Variants in ANKRD7 observed in about 807,000 individuals in gnomAD.
ANKRD7 encodes the protein ankyrin repeat domain 7.
Under a neutral mutation model 30.8 loss-of-function variants are expected in ANKRD7, and 30 were observed. The observed-to-expected ratio is 0.97, with a 90% CI of 0.73 to 1.32. ANKRD7 has a LOEUF of 1.32. ANKRD7 is among the 40% of genes most tolerant of loss of function. The pLI, the probability that ANKRD7 is intolerant of heterozygous loss-of-function variation, is 0.00. For synonymous variants in ANKRD7, 97 were observed against 106.6 expected (o/e 0.91, Z 0.55); for missense variants, 264 against 295.7 (o/e 0.89, Z 0.79).
At chr7:118,233,320 C>T (rs530673714) in intron 1 of ANKRD7, among the ~76,000 whole-genome samples, 109 of 152,134 alleles carry the variant, frequency 7.2e-4, no homozygotes, top group African/African-American at 2.5e-3. Context: ...CCTGACTGTG[C>T]TCTCTCTTTA....
chr7:118,233,091 A>C (rs1809667509), intron 1 of ANKRD7, among the ~76,000 whole-genome samples: 1 of 152,156 alleles, frequency 6.6e-6, no homozygotes. Flanking sequence ...ATTAGTCATC[A>C]GAAATTTGCT....
chr7:118,234,966 T>C (rs1584724790), intron 3 of ANKRD7, 92 bp downstream of exon 3: 3 of 1,111,160 alleles, frequency 2.7e-6, no homozygotes, highest in Admixed American at 3.5e-5. Flanking sequence ...ATATATGTTA[T>C]ATAAAGCATG....
chr7:118,236,169 G>A (rs760166896), intron 4 of ANKRD7, 22 bp downstream of exon 4: 1 of 1,401,752 alleles, frequency 7.1e-7, no homozygotes. Flanking sequence ...AAATAAGATA[G>A]CACATAACTA....
At chr7:118,226,193 C>G (rs1809537257) in intron 1 of ANKRD7, among the ~76,000 whole-genome samples, 1 of 152,238 alleles carries the variant, frequency 6.6e-6, no homozygotes, top group Non-Finnish European at 1.5e-5. Flanking sequence ...AGCTTTATAA[C>G]AAGTGTAGTT....
chr7:118,234,900 C>A, intron 3 of ANKRD7, 26 bp downstream of exon 3: 1 of 1,559,398 alleles, frequency 6.4e-7, no homozygotes, highest in South Asian at 1.2e-5. Flanking sequence ...AGAAAAAAAT[C>A]CTGTATTTTA....
At chr7:118,228,627 C>G (rs1406809508) in intron 1 of ANKRD7, among the ~76,000 whole-genome samples, 1 of 152,270 alleles carries the variant, frequency 6.6e-6, no homozygotes, top group African/African-American at 2.4e-5. Flanking sequence ...TCTGACCTGC[C>G]TTTTCTTTTT....
chr7:118,235,638 A>G (rs924402642), intron 3 of ANKRD7, among the ~76,000 whole-genome samples: 10 of 149,718 alleles, frequency 6.7e-5, no homozygotes, highest in Non-Finnish European at 1.5e-4. Flanking sequence ...AAAAAAGCGT[A>G]TTGATACTTT....
intron 1 of ANKRD7, among the ~76,000 whole-genome samples, chr7:118,232,242 A>T (rs1266155475): frequency 6.6e-6 from 1 of 152,080 alleles, no homozygotes; most frequent in Non-Finnish European, 1.5e-5. Context: ...ATTTAAGGAC[A>T]CTTAAATCTA....
chr7:118,234,998 GGAGA>G, intron 3 of ANKRD7, 124 bp downstream of exon 3: 1 of 764,036 alleles, frequency 1.3e-6, no homozygotes, highest in Non-Finnish European at 1.9e-6. Flanking sequence ...CTAAAATTGG[GGAGA>G]AAGAGAAGAG....
intron 3 of ANKRD7, 86 bp from the exon 4 acceptor site, chr7:118,235,955 T>C: frequency 1.5e-6 from 1 of 660,150 alleles, no homozygotes; most frequent in South Asian, 2.1e-5. Context: ...GAAGTTCTTA[T>C]GCACACATAT....
intron 1 of ANKRD7, among the ~76,000 whole-genome samples, chr7:118,226,356 G>T (rs149041057): frequency 5.7e-4 from 87 of 152,256 alleles, no homozygotes; most frequent in African/African-American, 2.0e-3. Context: ...GGTTGGGGTG[G>T]GGAGTCAACC....
chr7:118,227,574 CT>C (rs1372192280), intron 1 of ANKRD7, among the ~76,000 whole-genome samples: 4 of 152,142 alleles, frequency 2.6e-5, no homozygotes, highest in African/African-American at 9.7e-5. Context: ...AGGAAGGGTA[CT>C]TCGGGGTTTC....
intron 1 of ANKRD7, among the ~76,000 whole-genome samples, chr7:118,227,249 A>C (rs1166525018): frequency 1.3e-5 from 2 of 152,106 alleles, no homozygotes; most frequent in Non-Finnish European, 2.9e-5. Flanking sequence ...AAAAATTCTA[A>C]ATTTTATCTC....
In ANKRD7 at chr7:118,225,028, C is replaced by T; in HGVS notation, c.179+19C>T. On this transcript the variant is annotated intron_variant, in intron 1 of 6. Transcript: ENST00000265224. ...AATACAGGTGACCAGACTGAAGAGC[C>T]AGCGCGGGAGGACGGGTTGGGGCCT... The T allele has an allele frequency of 6.2e-7, 1 of 1,612,778 alleles. No homozygotes were observed. The highest frequency in any genetic ancestry group is 8.5e-7 in the Non-Finnish European group (1 of 1,179,626).
At chr7:118,242,272 A>G (rs1156783930) in intron 6 of ANKRD7, 77 bp from the exon 7 acceptor site, 14 of 152,228 alleles carry the variant, frequency 9.2e-5, no homozygotes, top group African/African-American at 3.4e-4. Context: ...GCTGAGGCAT[A>G]TAATTTAAGA....
chr7:118,236,176 AC>A (rs781483922), intron 4 of ANKRD7, 29 bp downstream of exon 4: 1 of 1,329,644 alleles, frequency 7.5e-7, no homozygotes, highest in East Asian at 2.3e-5. Flanking sequence ...ATAGCACATA[AC>A]TAAAGCTACC....
chr7:118,226,166 AGC>A (rs1174734379), intron 1 of ANKRD7, among the ~76,000 whole-genome samples: 1 of 152,248 alleles, frequency 6.6e-6, no homozygotes, highest in Non-Finnish European at 1.5e-5. Flanking sequence ...CTCCCCAGAT[AGC>A]TTCATACCCA....
chr7:118,238,568 CTA>C (rs1316581119), intron 5 of ANKRD7, among the ~76,000 whole-genome samples: 2 of 152,126 alleles, frequency 1.3e-5, no homozygotes, highest in Non-Finnish European at 2.9e-5. Context: ...TGTTGGCTCT[CTA>C]TGTAGATTCT....
At chr7:118,231,237 C>G (rs1018477817) in intron 1 of ANKRD7, among the ~76,000 whole-genome samples, 1 of 152,042 alleles carries the variant, frequency 6.6e-6, no homozygotes, top group Non-Finnish European at 1.5e-5. Context: ...TGTTAATGTG[C>G]TCTGTGTAGT....
Sources: allele counts gnomAD v4.1 joint callset (sites outside exome capture counted in the v4.1 genomes callset), GRCh38; gene constraint gnomAD v4.1.1; transcripts MANE v1.5; gene names NCBI Gene and HGNC (gene_info 2026-07-23, HGNC 2026-07-21).